The following BIRC6 variants were observed in gnomAD, a reference collection of about 807,000 sequenced individuals.
BIRC6 encodes the protein dual E2 ubiquitin-conjugating enzyme/E3 ubiquitin-protein ligase BIRC6.
Under a neutral mutation model 503.3 loss-of-function variants are expected in BIRC6, and 98 were observed. That is an observed-to-expected ratio of 0.19 (90% CI 0.17 to 0.23). The LOEUF is 0.23. BIRC6 is among the 10% of genes least tolerant of loss of function. The pLI is 1.00. For synonymous variants in BIRC6, 2,240 were observed against 2,078.7 expected, an observed-to-expected ratio of 1.08 and a Z score of -2.11; for missense variants, 5,360 against 5,806.0, an observed-to-expected ratio of 0.92 and a Z score of 2.50.
chr2:32,444,637 G>C (rs972920079), intron 20 of BIRC6, among the ~76,000 whole-genome samples: 6 of 152,070 alleles, frequency 3.9e-5, no homozygotes, highest in African/African-American at 1.4e-4. Context: ...TGTAATCCCA[G>C]CACTTCGGGA....
intron 5 of BIRC6, among the ~76,000 whole-genome samples, chr2:32,393,246 A>G (rs1047614865): frequency 3.9e-5 from 6 of 152,124 alleles, no homozygotes; most frequent in African/African-American, 1.2e-4. Flanking sequence ...GTCAAGAAAA[A>G]CAGTCATAGT....
chr2:32,362,910 G>C (rs1358064127), intron 1 of BIRC6, among the ~76,000 whole-genome samples: 1 of 151,630 alleles, frequency 6.6e-6, no homozygotes, highest in Non-Finnish European at 1.5e-5. Context: ...TTCCTTATTT[G>C]CAAAATGAGG....
chr2:32,363,737 T>A (rs1419817888), intron 1 of BIRC6, among the ~76,000 whole-genome samples: 4 of 152,174 alleles, frequency 2.6e-5, no homozygotes, highest in Non-Finnish European at 5.9e-5. Context: ...ATCTGTAAAT[T>A]AAGATTAATG....
rs1216919395 is a variant in BIRC6 at position 32,546,676 on chromosome 2, A to G, written c.12810+816A>G. 6.6e-5 allele frequency among the ~76,000 whole-genome samples: 10 copies of G among 152,350 alleles called. No homozygotes were observed. The East Asian group carries it at 1.5e-3, about 23-fold the overall frequency. On this transcript the variant is annotated intron_variant, in intron 63 of 73. Coordinates refer to ENST00000421745, the MANE Select transcript of BIRC6 (RefSeq NM_016252.4). Reference sequence around the variant, plus strand: ...AGTCTATAAAAATTAGTTAATTTCTACATACTAGCAACAGACATAAAATGA... The same window carrying G: ...AGTCTATAAAAATTAGTTAATTTCTGCATACTAGCAACAGACATAAAATGA...
chr2:32,539,091 A>G (rs1486509885), intron 61 of BIRC6, among the ~76,000 whole-genome samples: 1 of 152,240 alleles, frequency 6.6e-6, no homozygotes, highest in Admixed American at 6.5e-5. Flanking sequence ...ACAAAGTTGA[A>G]TTATAGACCA....
At chr2:32,425,197 TG>T (rs1255306079) in intron 10 of BIRC6, among the ~76,000 whole-genome samples, 1 of 152,092 alleles carries the variant, frequency 6.6e-6, no homozygotes, top group Non-Finnish European at 1.5e-5. Context: ...TCATATTCTG[TG>T]GGTTGTCTTT....
chr2:32,377,159 G>A (rs2036910807), intron 1 of BIRC6, among the ~76,000 whole-genome samples: 1 of 151,296 alleles, frequency 6.6e-6, no homozygotes, highest in Admixed American at 6.6e-5. Flanking sequence ...CCTTTACCCA[G>A]CTCTACTAGT....
intron 32 of BIRC6, 28 bp downstream of exon 32, chr2:32,471,152 G>A (rs1243707284): frequency 6.5e-7 from 1 of 1,549,590 alleles, no homozygotes; most frequent in African/African-American, 1.4e-5. Context: ...TTTCTGACAG[G>A]TATCAGAAGT....
intron 65 of BIRC6, among the ~76,000 whole-genome samples, chr2:32,562,000 C>A (rs1045678222): frequency 5.9e-5 from 9 of 152,008 alleles, no homozygotes; most frequent in African/African-American, 2.2e-4. Flanking sequence ...CGAGATCATG[C>A]CATTGCACTC....
intron 65 of BIRC6, among the ~76,000 whole-genome samples, chr2:32,553,880 G>A (rs892363823): frequency 1.7e-4 from 26 of 152,214 alleles, no homozygotes; most frequent in African/African-American, 5.8e-4. Context: ...ACATCTGTTA[G>A]TGTTCTAGAT....
chr2:32,464,910 A>G, intron 25 of BIRC6, 87 bp downstream of exon 25: 1 of 1,473,132 alleles, frequency 6.8e-7, no homozygotes. Flanking sequence ...AATTTTTAAT[A>G]CCAACTAGAT....
At chr2:32,464,173 A>G (rs2048289683) in intron 24 of BIRC6, among the ~76,000 whole-genome samples, 1 of 152,204 alleles carries the variant, frequency 6.6e-6, no homozygotes, top group Non-Finnish European at 1.5e-5. Flanking sequence ...CCAGGTGACA[A>G]ATTGTATTAC....
At chr2:32,496,091 A>G (rs2052433068) in intron 45 of BIRC6, among the ~76,000 whole-genome samples, 2 of 152,080 alleles carry the variant, frequency 1.3e-5, no homozygotes, top group South Asian at 2.1e-4. Flanking sequence ...TCAGCCTGCC[A>G]AAGTGCTGGG....
rs1212333293 is a variant in BIRC6 at position 32,357,698 on chromosome 2, C to T, written c.325+212C>T. On this transcript the variant is annotated intron_variant, in intron 1 of 73. Transcript: ENST00000421745. The surrounding 1 kb of genome is among the most constrained non-coding windows in gnomAD (Gnocchi z 4.9). ...CAGTTGGGAGGAAAGACCGGCGAGTCAGGGAGTGGTGGGAGGGGAGTTGCC... is the reference window on the plus strand; with the variant it reads ...CAGTTGGGAGGAAAGACCGGCGAGTTAGGGAGTGGTGGGAGGGGAGTTGCC... Among the ~76,000 whole-genome samples the T allele has an allele frequency of 6.6e-6, 1 of 152,084 alleles. No individual in the cohort carries two copies. Among genetic ancestry groups the T allele is most frequent in the African/African-American group, 2.4e-5 (1 of 41,410 alleles).
chr2:32,476,950 C>A (rs1387339219), intron 34 of BIRC6, among the ~76,000 whole-genome samples: 1 of 152,150 alleles, frequency 6.6e-6, no homozygotes, highest in African/African-American at 2.4e-5. Flanking sequence ...CTTTCTATAA[C>A]ATGAAATTAT....
chr2:32,448,859 T>C lies in BIRC6; in HGVS notation c.4549T>C (p.Cys1517Arg). The C allele has an allele frequency of 6.2e-7, 1 of 1,613,610 alleles. No homozygotes were observed. The highest frequency in any genetic ancestry group is 2.2e-5 in the East Asian group (1 of 44,846). Residue 1517 changes from cysteine (C) to arginine (R), a missense_variant, in exon 22 of 74, where the codon TGT becomes CGT. Physicochemically the swap from Cys to Arg is radical, Grantham distance 180. Transcript: ENST00000421745. ...TGATTTGGAGATGAGTGGCTCTTCTTGTAAAAATGTTTATAACAGCAGCAT... is the reference window on the plus strand; with the variant it reads ...TGATTTGGAGATGAGTGGCTCTTCTCGTAAAAATGTTTATAACAGCAGCAT... ...LFDLEMSGSS[C>R]KNVYNSSIGV...
At chr2:32,508,360 C>G in intron 51 of BIRC6, 101 bp downstream of exon 51, 1 of 1,304,808 alleles carries the variant, frequency 7.7e-7, no homozygotes, top group East Asian at 2.7e-5. Flanking sequence ...TTTTTTAGGT[C>G]TTAGGAAGGT....
intron 65 of BIRC6, among the ~76,000 whole-genome samples, chr2:32,567,793 T>G (rs1255057213): frequency 2.0e-5 from 3 of 152,134 alleles, no homozygotes; most frequent in African/African-American, 4.8e-5. Flanking sequence ...ACCAAAATGA[T>G]GTACCAGGTA....
chr2:32,549,069 G>A (rs1380849778), intron 64 of BIRC6: 3 of 286,336 alleles, frequency 1.0e-5, no homozygotes, highest in African/African-American at 2.2e-5. Flanking sequence ...TTTTATGTTC[G>A]TAGTTGTATT....
Sources: allele counts gnomAD v4.1 joint callset (sites outside exome capture counted in the v4.1 genomes callset), GRCh38; gene constraint gnomAD v4.1.1; non-coding constraint Gnocchi (gnomAD v3.1); transcripts MANE v1.5; gene names NCBI Gene and HGNC (gene_info 2026-07-23, HGNC 2026-07-21).